MYOZ3: variants seen among roughly 807,000 people sequenced by gnomAD.
MYOZ3 encodes the protein myozenin 3.
MYOZ3 carries 19 observed loss-of-function variants against 26.5 expected under a neutral mutation model. That is an observed-to-expected ratio of 0.72 (90% CI 0.50 to 1.05). The LOEUF is 1.05. Among genes scored for constraint, MYOZ3 ranks in the 50% least tolerant of loss-of-function variants. The pLI is 0.00. For missense variants in MYOZ3, 322 were observed against 337.1 expected, an observed-to-expected ratio of 0.96 and a Z score of 0.35; for synonymous variants, 135 against 138.8, an observed-to-expected ratio of 0.97 and a Z score of 0.19.
At chr5:150,662,854 C>T in intron 1 of MYOZ3, 87 bp from the exon 2 acceptor site, 2 of 1,230,976 alleles carry the variant, frequency 1.6e-6, no homozygotes, top group Non-Finnish European at 2.4e-6. Flanking sequence ...CTGTTCAGGA[C>T]TGGGGCAGGG....
Position 150,672,765 on chromosome 5 carries a change from T to C in MYOZ3, c.587+263T>C, listed in dbSNP as rs1581536403. 6.6e-6 allele frequency: 3 copies of C among 452,022 alleles called. No individual in the cohort carries two copies. In the East Asian group the frequency reaches 1.1e-4, roughly 17 times the overall value. 28.0% of individuals were successfully genotyped at this position (452,022 alleles called of 1,614,324 possible). ...GGTGGGCGGGTGCTATGAGTTTTCC[T>C]GTTCTGCAGATGAAGAGGCTGCGGC... On this transcript the variant is annotated intron_variant, in intron 6 of 6. Transcript: ENST00000517768.
intron 6 of MYOZ3, among the ~76,000 whole-genome samples, chr5:150,676,148 A>G (rs1419722468): frequency 6.6e-6 from 1 of 152,168 alleles, no homozygotes; most frequent in Non-Finnish European, 1.5e-5. Context: ...CTTGCCTAGG[A>G]CAAGTCAATT....
At chr5:150,670,886 CAAAAAAAAAA>C (rs61577179) in intron 3 of MYOZ3, 1 of 65,348 alleles carries the variant, frequency 1.5e-5, no homozygotes, top group South Asian at 6.0e-4. Flanking sequence ...TGGCTCCTAC[CAAAAAAAAAA>C]AAAAAAAAAA....
intron 2 of MYOZ3, among the ~76,000 whole-genome samples, chr5:150,664,902 A>G (rs1758784345): frequency 6.6e-6 from 1 of 152,256 alleles, no homozygotes; most frequent in African/African-American, 2.4e-5. Flanking sequence ...TAATGGAACC[A>G]TCTGGAGATA....
intron 2 of MYOZ3, among the ~76,000 whole-genome samples, chr5:150,666,862 T>C (rs535808741): frequency 1.3e-5 from 2 of 151,970 alleles, no homozygotes; most frequent in East Asian, 3.9e-4. Flanking sequence ...CACCTTCAAG[T>C]GATTCTTGTG....
intron 5 of MYOZ3, 198 bp from the exon 6 acceptor site, chr5:150,672,142 A>T: frequency 9.7e-7 from 1 of 1,028,046 alleles, no homozygotes; most frequent in Non-Finnish European, 1.5e-6. Flanking sequence ...TGGCTTCCTC[A>T]CTGCAGTCCT....
rs1442897311 is a variant in MYOZ3, at chr5:150,665,892, AGGCG to A, written c.61+2891_61+2894del. ...CTCTACTATAAATACAAAATTAGCC[AGGCG>A]TGATGGTGCATGCCTGCAATTCCAG... On this transcript the variant is annotated intron_variant, in intron 2 of 6. Transcript: ENST00000517768. 3.3e-5 allele frequency among the ~76,000 whole-genome samples: 5 copies of A among 152,092 alleles called. No homozygotes were observed. The East Asian group carries it at 5.8e-4, about 18-fold the overall frequency.
At chr5:150,663,939 G>A (rs1758771628) in intron 2 of MYOZ3, among the ~76,000 whole-genome samples, 1 of 151,164 alleles carries the variant, frequency 6.6e-6, no homozygotes, top group African/African-American at 2.4e-5. Flanking sequence ...GCTATAGTGA[G>A]CTACGGTTGT....
chr5:150,674,668 G>A (rs961821034), intron 6 of MYOZ3, among the ~76,000 whole-genome samples: 2 of 152,186 alleles, frequency 1.3e-5, no homozygotes, highest in Non-Finnish European at 2.9e-5. Flanking sequence ...CTGGTCCCAG[G>A]CTGCTGGAAA....
rs374178828 is a variant in MYOZ3, at chr5:150,676,899, C to T, written c.*24C>T. On this transcript the variant is annotated 3_prime_UTR_variant, in exon 7 of 7. Coordinates refer to ENST00000517768, the MANE Select transcript of MYOZ3 (RefSeq NM_001122853.3). ...AGCCCTAGCCTGAATCTTCAGTTCC[C>T]CAGTCTCGGGGGCCTGGTAACATCC... 6.3e-7 allele frequency: 1 copy of T among 1,589,802 alleles called. No individual in the cohort carries two copies. The highest frequency in any genetic ancestry group is 1.3e-5 in the African/African-American group (1 of 74,414).
intron 2 of MYOZ3, among the ~76,000 whole-genome samples, chr5:150,667,299 A>G (rs1023369827): frequency 3.9e-5 from 6 of 152,080 alleles, no homozygotes; most frequent in Admixed American, 3.3e-4. Context: ...CAAACCTCCA[A>G]TACCTCCTTG....
chr5:150,674,924 C>T (rs1284279250), intron 6 of MYOZ3, among the ~76,000 whole-genome samples: 2 of 152,090 alleles, frequency 1.3e-5, no homozygotes, highest in Non-Finnish European at 2.9e-5. Flanking sequence ...GTGGGAGAAT[C>T]GCTTGAACCT....
Position 150,671,699 on chromosome 5 carries a change from C to T in MYOZ3, c.270+49C>T, listed in dbSNP as rs200289640. ...GGAAGGGAAGCTGGGGGAAGGGGAG[C>T]GCGGCTGGGGGCGGGAGGTCGTCGG... On this transcript the variant is annotated intron_variant, in intron 4 of 6. Transcript: ENST00000517768. 201 of 1,613,234 alleles carry T rather than the reference C, an allele frequency of 1.2e-4. No homozygotes were observed. In the Middle Eastern group the frequency reaches 2.0e-3, roughly 16 times the overall value.
intron 6 of MYOZ3, among the ~76,000 whole-genome samples, chr5:150,674,591 G>T (rs1758974451): frequency 6.6e-6 from 1 of 152,224 alleles, no homozygotes; most frequent in Admixed American, 6.5e-5. Flanking sequence ...TGCTTTCCTG[G>T]CTGGGACTCA....
chr5:150,676,283 C>T (rs548931973), intron 6 of MYOZ3, among the ~76,000 whole-genome samples: 36 of 152,168 alleles, frequency 2.4e-4, no homozygotes, highest in Middle Eastern at 6.8e-3. Flanking sequence ...CGGTGGCTCA[C>T]GCCTGTAATC....
chr5:150,670,500 G>T lies in MYOZ3; in HGVS notation c.78G>T (p.Leu26=). 1 of 1,611,872 alleles carries T rather than the reference G, an allele frequency of 6.2e-7. No homozygotes were observed. ...TCCTGGCAGTCCCTACGCTGGACCT[G>T]GGCAAGAAGCTGAGCGTGCCCCAGG... is the stretch of plus-strand genomic sequence containing the variant. ...DLTEPVPTLD[L]GKKLSVPQDL... Residue 26 remains leucine, a synonymous_variant, in exon 3 of 7, where the codon CTG becomes CTT. Coordinates refer to ENST00000517768, the MANE Select transcript of MYOZ3 (RefSeq NM_001122853.3).
upstream of MYOZ3, chr5:150,661,064 C>T (rs1758722204): frequency 6.6e-6 from 1 of 152,540 alleles, no homozygotes; most frequent in Admixed American, 6.5e-5. Flanking sequence ...CAGCAGCTGA[C>T]CCTCAACATT....
intron 6 of MYOZ3, among the ~76,000 whole-genome samples, chr5:150,674,479 G>T (rs1052139375): frequency 2.6e-5 from 4 of 152,342 alleles, no homozygotes; most frequent in African/African-American, 2.4e-5. Context: ...TGGGCTCCCA[G>T]TCAAGGGCCT....
rs1157279790 is a variant in MYOZ3, at chr5:150,671,928, C to T, written c.424+20C>T. On this transcript the variant is annotated intron_variant, in intron 5 of 6. Coordinates refer to ENST00000517768, the MANE Select transcript of MYOZ3 (RefSeq NM_001122853.3). ...CGCCAGGTGAGTGGCCTCCTCGGGT[C>T]CCGGGACCAGGGCTGGGGGGCCTGA... The T allele has an allele frequency of 2.7e-6, 4 of 1,506,692 alleles. No individual in the cohort carries two copies. Among genetic ancestry groups the T allele is most frequent in the Non-Finnish European group, 3.5e-6 (4 of 1,135,332 alleles). 93.3% of individuals were successfully genotyped at this position (1,506,692 alleles called of 1,614,324 possible).
Sources: allele counts gnomAD v4.1 joint callset (sites outside exome capture counted in the v4.1 genomes callset), GRCh38; gene constraint gnomAD v4.1.1; transcripts MANE v1.5; gene names NCBI Gene and HGNC (gene_info 2026-07-23, HGNC 2026-07-21).